COL8A2: variants seen among roughly 807,000 people sequenced by gnomAD.
COL8A2 encodes collagen alpha-2(VIII) chain.
COL8A2 carries 16 observed loss-of-function variants against 24.0 expected under a neutral mutation model. The ratio of observed to expected loss-of-function variants is 0.67; its 90% CI spans 0.45 to 1.01. The LOEUF is 1.01. Among genes scored for constraint, COL8A2 ranks in the 50% least tolerant of loss-of-function variants. COL8A2 has a pLI of 0.00. For synonymous variants in COL8A2, 466 were observed against 424.5 expected, an observed-to-expected ratio of 1.10 and a Z score of -1.20; for missense variants, 818 against 942.4, an observed-to-expected ratio of 0.87 and a Z score of 1.73.
intron 2 of COL8A2, among the ~76,000 whole-genome samples, chr1:36,103,347 A>G (rs1220473503): frequency 2.0e-5 from 3 of 151,564 alleles, no homozygotes; most frequent in African/African-American, 7.3e-5. Context: ...ATCTCGGCTC[A>G]CTGCAAGCTC....
Position 36,096,861 on chromosome 1 carries a change from A to C in COL8A2, c.*708T>G, listed in dbSNP as rs1643573925. 1 of 152,680 alleles carries C rather than the reference A, an allele frequency of 6.5e-6. No individual in the cohort carries two copies. Among genetic ancestry groups the C allele is most frequent in the African/African-American group, 2.4e-5 (1 of 41,450 alleles). 9.5% of individuals were successfully genotyped at this position (152,680 alleles called of 1,614,324 possible). A position where few individuals can be genotyped will look rare whatever the true frequency, so the allele number is the denominator to read the frequency against. On this transcript the variant is annotated 3_prime_UTR_variant, in exon 4 of 4. Transcript: ENST00000397799. ...GGGCAGCCCGGGAGAGACAGGGATG[A>C]ACGTGAAGAGCTGCCTCCTGCCCCA...
At chr1:36,099,940 G>T in intron 3 of COL8A2, 110 bp downstream of exon 3, 1 of 1,024,392 alleles carries the variant, frequency 9.8e-7, no homozygotes. Context: ...GAAAATTGGT[G>T]GGGAATGAGG....
rs1160135026 is a variant in COL8A2 at position 36,123,345 on chromosome 1, C to A, written c.-62+1712G>T. Among the ~76,000 whole-genome samples the A allele has an allele frequency of 6.6e-6, 1 of 152,246 alleles. No homozygotes were observed. Among genetic ancestry groups the A allele is most frequent in the Non-Finnish European group, 1.5e-5 (1 of 68,046 alleles). The stretch of plus-strand genomic sequence containing the variant: ...TGTGCGTCCTTTGTTCCGGCTCAGG[C>A]AGGAGCAGAGAAGGTAGTGGAGTAC... On this transcript the variant is annotated intron_variant, in intron 1 of 3. Transcript: ENST00000397799. This position sits in a 1 kb window ranked among gnomAD's most constrained non-coding sequence, Gnocchi z 4.1.
At chr1:36,105,964 AAAAG>A (rs1409459670) in intron 2 of COL8A2, among the ~76,000 whole-genome samples, 31 of 124,376 alleles carry the variant, frequency 2.5e-4, no homozygotes, top group Non-Finnish European at 3.9e-4. Flanking sequence ...AAAAAAAAAA[AAAAG>A]AGAGAGAGAG....
rs770404305 is a variant in COL8A2, at chr1:36,097,561, C to A, written c.*8G>T. ...AGGAGGCCAGGGCAGCAGGACCCCC[C>A]CCGCGGGTTATGTGGGGCAGAGCAA... On this transcript the variant is annotated 3_prime_UTR_variant, in exon 4 of 4. Coordinates refer to ENST00000397799, the MANE Select transcript of COL8A2 (RefSeq NM_005202.4). The A allele has an allele frequency of 2.0e-5, 32 of 1,597,166 alleles. No individual in the cohort carries two copies. The highest frequency in any genetic ancestry group is 6.7e-5 in the Admixed American group (4 of 59,298).
chr1:36,122,379 G>A (rs1457593901), intron 1 of COL8A2, among the ~76,000 whole-genome samples: 1 of 152,174 alleles, frequency 6.6e-6, no homozygotes, highest in Non-Finnish European at 1.5e-5. Flanking sequence ...AATGCCCTCA[G>A]AACAAAGTGG....
At chr1:36,101,603 T>C (rs906792600) in intron 2 of COL8A2, among the ~76,000 whole-genome samples, 1 of 152,102 alleles carries the variant, frequency 6.6e-6, no homozygotes, top group Non-Finnish European at 1.5e-5. Context: ...ATCCATGAAA[T>C]GAGAGAGGAT....
At chr1:36,122,921 G>A (rs1643924842) in intron 1 of COL8A2, among the ~76,000 whole-genome samples, 1 of 151,910 alleles carries the variant, frequency 6.6e-6, no homozygotes, top group South Asian at 2.1e-4. Flanking sequence ...CTGTCCCTGA[G>A]AGAACCCTGA....
At chr1:36,121,191 CCAG>C (rs748035452) in intron 1 of COL8A2, among the ~76,000 whole-genome samples, 1 of 148,192 alleles carries the variant, frequency 6.7e-6, no homozygotes, top group Non-Finnish European at 1.5e-5. Context: ...GAGTTTGAGA[CCAG>C]CCTGGCCGAT....
intron 2 of COL8A2, among the ~76,000 whole-genome samples, chr1:36,111,800 C>T (rs1643843996): frequency 6.6e-6 from 1 of 152,106 alleles, no homozygotes; most frequent in Non-Finnish European, 1.5e-5. Flanking sequence ...GATCCTCCCA[C>T]CTCAGCTTCC....
Position 36,097,750 on chromosome 1 carries a change from G to C in COL8A2, c.1931C>G (p.Ala644Gly). Residue 644 changes from alanine to glycine, a missense_variant, in exon 4 of 4, where the codon GCC (alanine) becomes GGC (glycine). By Grantham distance (60) the Ala-to-Gly change is moderately conservative. Transcript: ENST00000397799. ...CTTGTACTCATCGTAGGTATAGGTG[G>C]CCGGCACGTTGTTCTTGTACAGGGC... is the stretch of plus-strand genomic sequence containing the variant. ...WVALYKNNVP[A>G]TYTYDEYKKG... The C allele has an allele frequency of 6.2e-7, 1 of 1,613,838 alleles. No homozygotes were observed. Among genetic ancestry groups the C allele is most frequent in the Non-Finnish European group, 8.5e-7 (1 of 1,180,026 alleles).
At chr1:36,108,604 A>G (rs1643794580) in intron 2 of COL8A2, among the ~76,000 whole-genome samples, 1 of 152,194 alleles carries the variant, frequency 6.6e-6, no homozygotes, top group African/African-American at 2.4e-5. Context: ...CCCATAAAAC[A>G]GCATTCTGTC....
chr1:36,102,447 C>T (rs1229574584), intron 2 of COL8A2, among the ~76,000 whole-genome samples: 2 of 151,734 alleles, frequency 1.3e-5, no homozygotes, highest in African/African-American at 2.4e-5. Flanking sequence ...ACCACAGGCA[C>T]GTGCCACCAT....
chr1:36,120,472 G>A (rs1442030405), intron 1 of COL8A2, among the ~76,000 whole-genome samples: 1 of 151,408 alleles, frequency 6.6e-6, no homozygotes, highest in Non-Finnish European at 1.5e-5. Context: ...AAAAGAGGAC[G>A]GGCACAATGG....
Position 36,097,224 on chromosome 1 carries a change from A to C in COL8A2, c.*345T>G. On this transcript the variant is annotated 3_prime_UTR_variant, in exon 4 of 4. Coordinates refer to ENST00000397799, the MANE Select transcript of COL8A2 (RefSeq NM_005202.4). ...AGGTGCCATCAGGGAGCCAGTGGGAAGGGCTGTCTCCCCACGTGGCGGGGT... is the reference window on the plus strand; with the variant it reads ...AGGTGCCATCAGGGAGCCAGTGGGACGGGCTGTCTCCCCACGTGGCGGGGT... 8.4e-6 allele frequency: 2 copies of C among 238,264 alleles called. No homozygotes were observed. Among genetic ancestry groups the C allele is most frequent in the Non-Finnish European group, 8.3e-6 (1 of 120,916 alleles). 14.8% of individuals were successfully genotyped at this position (238,264 alleles called of 1,614,324 possible). A position where few individuals can be genotyped will look rare whatever the true frequency, so the allele number is the denominator to read the frequency against.
At chr1:36,119,635 G>A (rs1457431731) in intron 1 of COL8A2, among the ~76,000 whole-genome samples, 2 of 152,146 alleles carry the variant, frequency 1.3e-5, no homozygotes, top group African/African-American at 2.4e-5. Context: ...CAGAGCCGTG[G>A]TCGCCTGTCA....
chr1:36,122,226 C>T (rs1393909711), intron 1 of COL8A2, among the ~76,000 whole-genome samples: 1 of 152,148 alleles, frequency 6.6e-6, no homozygotes. Flanking sequence ...GAGACCAGTA[C>T]AGCATTCCCA....
chr1:36,097,418 G>T lies in COL8A2; in HGVS notation c.*151C>A. 1.5e-6 allele frequency: 1 copy of T among 680,990 alleles called. No homozygotes were observed. Among genetic ancestry groups the T allele is most frequent in the Non-Finnish European group, 2.6e-6 (1 of 390,270 alleles). The allele number at this position is 680,990 out of a possible 1,614,324, so 42.2% of individuals were successfully genotyped here. ...TTCCAGAAACAATCTCAGCCTGCAT[G>T]CAGGGAGAAAGCAAGTTAGTCTCCT... On this transcript the variant is annotated 3_prime_UTR_variant, in exon 4 of 4. Transcript: ENST00000397799.
rs918327636 is a variant in COL8A2 at position 36,123,389 on chromosome 1, C to T, written c.-62+1668G>A. On this transcript the variant is annotated intron_variant, in intron 1 of 3. Coordinates refer to ENST00000397799, the MANE Select transcript of COL8A2 (RefSeq NM_005202.4). This position sits in a 1 kb window ranked among gnomAD's most constrained non-coding sequence, Gnocchi z 4.1. ...GGAGTACAGGGGCTCAGGCTGACAG[C>T]CCTGCTTAGTATCTTTCTCCTCCCT... is the stretch of plus-strand genomic sequence containing the variant. Among the ~76,000 whole-genome samples, 3 of 152,232 alleles carry T rather than the reference C, an allele frequency of 2.0e-5. No homozygotes were observed. The highest frequency in any genetic ancestry group is 7.2e-5 in the African/African-American group (3 of 41,454).
Sources: gnomAD v4.1 joint callset for allele counts (sites outside exome capture counted in the v4.1 genomes callset) on GRCh38, gnomAD v4.1.1 for gene constraint, Gnocchi (gnomAD v3.1) non-coding constraint, MANE v1.5 for transcripts, NCBI Gene and HGNC (gene_info 2026-07-23, HGNC 2026-07-21) for gene names.